RGS3: variants seen among roughly 807,000 people sequenced by gnomAD.
RGS3 encodes the protein regulator of G protein signaling 3, also known as regulator of G-protein signalling 3.
Under a neutral mutation model 132.6 loss-of-function variants are expected in RGS3, and 80 were observed. That is an observed-to-expected ratio of 0.60 (90% confidence interval 0.50 to 0.73). RGS3 has a LOEUF of 0.73. Among genes scored for constraint, RGS3 ranks in the 30% least tolerant of loss-of-function variants. The pLI, the probability that RGS3 is intolerant of heterozygous loss-of-function variation, is 0.00. For missense variants in RGS3, 1,382 were observed against 1,530.8 expected, an observed-to-expected ratio of 0.90 and a Z score of 1.62; for synonymous variants, 598 against 620.6, an observed-to-expected ratio of 0.96 and a Z score of 0.54.
At chr9:113,567,629 C>T (rs148565034) in intron 19 of RGS3, among the ~76,000 whole-genome samples, 7 of 152,226 alleles carry the variant, frequency 4.6e-5, no homozygotes, top group South Asian at 2.1e-4. Context: ...GGAGGTGAGG[C>T]GGGGAGAATT....
chr9:113,550,652 T>G (rs1295767108), intron 19 of RGS3, among the ~76,000 whole-genome samples: 1 of 152,224 alleles, frequency 6.6e-6, no homozygotes. Flanking sequence ...TAAGAAAATG[T>G]TTATTCCTCC....
chr9:113,525,233 A>G (rs913408177), intron 17 of RGS3, among the ~76,000 whole-genome samples: 6 of 152,092 alleles, frequency 3.9e-5, no homozygotes, highest in African/African-American at 1.4e-4. Context: ...AGAGGGATGG[A>G]AATGGCTCCA....
intron 19 of RGS3, chr9:113,541,926 G>C (rs1253272384): frequency 4.3e-6 from 4 of 939,872 alleles, no homozygotes; most frequent in Non-Finnish European, 5.1e-6. Context: ...TAGGAGCTGG[G>C]GATACTGTGG....
intron 7 of RGS3, among the ~76,000 whole-genome samples, chr9:113,495,203 A>G (rs773321138): frequency 2.6e-5 from 4 of 152,092 alleles, no homozygotes; most frequent in Non-Finnish European, 4.4e-5. Flanking sequence ...AGAAGATTGA[A>G]TTTAGCCCCT....
chr9:113,462,049 T>C lies in RGS3; in HGVS notation c.263T>C (p.Leu88Pro), dbSNP rs369682392. The change falls in exon 3 of 25, where the codon CTC becomes CCC. Residue 88 changes from leucine to proline, a missense_variant. Transcript: ENST00000350696. ...TGCCACGTCTCTGTGCTCAGTGTCC[T>C]CTCTACATCCTGTGGCTTGAGCCTG... 1.9e-6 allele frequency: 3 copies of C among 1,613,908 alleles called. No individual in the cohort carries two copies. The African/African-American group carries it at 4.0e-5, about 22-fold the overall frequency.
At chr9:113,488,550 C>T (rs1156466693) in intron 7 of RGS3, among the ~76,000 whole-genome samples, 1 of 152,216 alleles carries the variant, frequency 6.6e-6, no homozygotes, top group South Asian at 2.1e-4. Flanking sequence ...CCAGAAAGCC[C>T]TTTGGGTGGA....
intron 23 of RGS3, chr9:113,595,373 AC>A: frequency 1.8e-6 from 1 of 566,724 alleles, no homozygotes; most frequent in Non-Finnish European, 3.1e-6. Context: ...TCCCCATTTC[AC>A]AGATGAAGAC....
intron 19 of RGS3, among the ~76,000 whole-genome samples, chr9:113,548,050 A>G (rs887424419): frequency 2.6e-5 from 4 of 152,196 alleles, no homozygotes; most frequent in African/African-American, 4.8e-5. Context: ...TTGGGAATAT[A>G]GTATTTATTT....
intron 3 of RGS3, among the ~76,000 whole-genome samples, chr9:113,469,205 G>A (rs1239986684): frequency 6.6e-6 from 1 of 152,102 alleles, no homozygotes; most frequent in African/African-American, 2.4e-5. Context: ...AGCCAGCTGC[G>A]TGGTGTGTTG....
intron 19 of RGS3, among the ~76,000 whole-genome samples, chr9:113,580,152 A>G (rs2118952030): frequency 6.6e-6 from 1 of 152,324 alleles, no homozygotes; most frequent in African/African-American, 2.4e-5. Flanking sequence ...AGAAAGAACC[A>G]TGAGCTCTGG....
At chr9:113,529,324 C>T (rs1832363973) in intron 18 of RGS3, 60 bp downstream of exon 16, 1 of 1,359,900 alleles carries the variant, frequency 7.4e-7, no homozygotes, top group Non-Finnish European at 1.1e-6. Flanking sequence ...TGAGGGGAGA[C>T]ACTGGGCTGG....
chr9:113,572,875 CT>C (rs1380957395), intron 19 of RGS3, among the ~76,000 whole-genome samples: 7 of 152,238 alleles, frequency 4.6e-5, no homozygotes, highest in Admixed American at 6.5e-5. Context: ...GTTTCCCCCC[CT>C]GAAACCTGCA....
rs982565158 is a variant in RGS3, at chr9:113,591,878, C to T, written c.3080+481C>T. Reference sequence around the variant, plus strand: ...CTGCCGAATCCCGCACTCGCCAAGCCTTTCTGGCCACACTCAGGCCTTCTT... The same window carrying T: ...CTGCCGAATCCCGCACTCGCCAAGCTTTTCTGGCCACACTCAGGCCTTCTT... On this transcript the variant is annotated intron_variant, in intron 21 of 24. Transcript: ENST00000350696. The surrounding 1 kb of genome is among the most constrained non-coding windows in gnomAD (Gnocchi z 4.4). 14 of 170,404 alleles carry T rather than the reference C, an allele frequency of 8.2e-5. No homozygotes were observed. The highest frequency in any genetic ancestry group is 5.7e-4 in the South Asian group (4 of 7,072). The allele number at this position is 170,404 out of a possible 1,614,324, so 10.6% of individuals were successfully genotyped here.
chr9:113,505,554 A>G (rs1164071867), intron 11 of RGS3, 31 bp downstream of exon 9: 2 of 1,566,412 alleles, frequency 1.3e-6, no homozygotes, highest in Admixed American at 1.7e-5. Flanking sequence ...TGCCAACCCC[A>G]CTTGCCCACC....
At chr9:113,470,313 C>G (rs1311052561) in intron 3 of RGS3, among the ~76,000 whole-genome samples, 1 of 152,130 alleles carries the variant, frequency 6.6e-6, no homozygotes, top group Non-Finnish European at 1.5e-5. Flanking sequence ...GTTGATTTTT[C>G]CTGTTTTCTC....
chr9:113,498,144 C>T (rs1167726259), intron 10 of RGS3, 64 bp downstream of exon 8: 13 of 1,442,658 alleles, frequency 9.0e-6, no homozygotes, highest in African/African-American at 1.4e-5. Flanking sequence ...AGCCCCTGGG[C>T]CCGGGAAACC....
Position 113,594,547 on chromosome 9 carries a change from C to T in RGS3, c.3182+16C>T, listed in dbSNP as rs758183043. The T allele has an allele frequency of 6.3e-7, 1 of 1,598,382 alleles. No homozygotes were observed. Among genetic ancestry groups the T allele is most frequent in the Non-Finnish European group, 8.6e-7 (1 of 1,166,958 alleles). ...AGTCATTCAAGTAGGTCCTCCCTGG[C>T]ACCCTGGGACCCTTTGGGGAACTCA... On this transcript the variant is annotated intron_variant, in intron 22 of 24. Transcript: ENST00000350696.
intron 15 of RGS3, among the ~76,000 whole-genome samples, chr9:113,515,383 G>T (rs1265335866): frequency 6.6e-6 from 1 of 152,106 alleles, no homozygotes; most frequent in African/African-American, 2.4e-5. Context: ...TGTAATCCCA[G>T]CACTTTGGGA....
Position 113,537,975 on chromosome 9 carries a change from A to T in RGS3, c.2037+1057A>T, listed in dbSNP as rs1442864149. On this transcript the variant is annotated intron_variant, in intron 19 of 24. Coordinates refer to ENST00000350696, the Ensembl canonical transcript of RGS3. The surrounding 1 kb of genome is among the most constrained non-coding windows in gnomAD (Gnocchi z 4.3). ...TTGTTTTACACTAGCTAGTGGCAAG[A>T]ATAACTTGGATGAGGGAAGACAGTA... Among the ~76,000 whole-genome samples the T allele has an allele frequency of 2.0e-5, 3 of 152,218 alleles. No individual in the cohort carries two copies. The East Asian group carries it at 5.8e-4, about 29-fold the overall frequency.
Sources: allele counts gnomAD v4.1 joint callset (sites outside exome capture counted in the v4.1 genomes callset), GRCh38; gene constraint gnomAD v4.1.1; non-coding constraint Gnocchi (gnomAD v3.1); transcripts MANE v1.5; gene names NCBI Gene and HGNC (gene_info 2026-07-23, HGNC 2026-07-21).